LPAR1: variants seen among roughly 807,000 people sequenced by gnomAD.
The protein encoded by LPAR1 is LPA receptor 1.
Under a neutral mutation model 23.8 loss-of-function variants are expected in LPAR1, and 5 were observed. The observed-to-expected ratio is 0.21, with a 90% CI of 0.11 to 0.44. The LOEUF (loss-of-function observed/expected upper bound fraction) is 0.44, where lower values mean the gene tolerates loss of function less well. LPAR1 is among the 20% of genes least tolerant of loss of function. The pLI, the probability that LPAR1 is intolerant of heterozygous loss-of-function variation, is 0.99. For missense variants in LPAR1, 311 were observed against 482.8 expected, an observed-to-expected ratio of 0.64 and a Z score of 3.33; for synonymous variants, 160 against 164.7, an observed-to-expected ratio of 0.97 and a Z score of 0.22.
intron 2 of LPAR1, among the ~76,000 whole-genome samples, chr9:110,995,227 A>C (rs918342289): frequency 6.6e-6 from 1 of 152,134 alleles, no homozygotes; most frequent in Non-Finnish European, 1.5e-5. Context: ...AAATATATGA[A>C]AGTTTTGTTT....
chr9:110,957,110 G>T lies in LPAR1; in HGVS notation c.46-14942C>A, dbSNP rs569525083. 6.6e-5 allele frequency among the ~76,000 whole-genome samples: 10 copies of T among 151,920 alleles called. No individual in the cohort carries two copies. The East Asian group carries it at 1.9e-3, about 29-fold the overall frequency. ...ACGTTGGGCTCAGTGGCTCATGCCC[G>T]TAATCCCAGAATTTTGGGAGGTCAA... On this transcript the variant is annotated intron_variant, in intron 4 of 5. Coordinates refer to ENST00000683809, the MANE Select transcript of LPAR1 (RefSeq NM_001351411.2).
chr9:110,888,953 A>G (rs1478076233), intron 5 of LPAR1, among the ~76,000 whole-genome samples: 1 of 152,226 alleles, frequency 6.6e-6, no homozygotes, highest in East Asian at 1.9e-4. Flanking sequence ...AGTAACATCG[A>G]GAGAGCAGGA....
At chr9:110,964,657 G>A (rs988440539) in intron 4 of LPAR1, among the ~76,000 whole-genome samples, 3 of 79,934 alleles carry the variant, frequency 3.8e-5, no homozygotes, top group African/African-American at 1.5e-4. Context: ...CCAAAAAGAC[G>A]AATCTTTCAG....
At chr9:111,036,402 G>A (rs2097895911) in intron 1 of LPAR1, among the ~76,000 whole-genome samples, 1 of 150,000 alleles carries the variant, frequency 6.7e-6, no homozygotes, top group Admixed American at 6.6e-5. Flanking sequence ...AAGAGGAAAT[G>A]AGCTCCCAGC....
At chr9:110,965,668 T>C (rs1277942417) in intron 4 of LPAR1, among the ~76,000 whole-genome samples, 1 of 152,200 alleles carries the variant, frequency 6.6e-6, no homozygotes, top group African/African-American at 2.4e-5. Context: ...CTTTACACTG[T>C]TGGTGGGAAT....
chr9:110,995,914 A>G (rs1269552610), intron 2 of LPAR1, among the ~76,000 whole-genome samples: 1 of 152,232 alleles, frequency 6.6e-6, no homozygotes. Flanking sequence ...TTTTAAAAAT[A>G]ATGGCTGAAG....
intron 4 of LPAR1, among the ~76,000 whole-genome samples, chr9:110,948,777 T>C (rs190065208): frequency 5.2e-4 from 79 of 152,232 alleles, no homozygotes; most frequent in African/African-American, 1.6e-3. Flanking sequence ...TCAGAGATCA[T>C]GAGGACAGGG....
At chr9:110,985,231 T>G (rs1389991298) in intron 2 of LPAR1, among the ~76,000 whole-genome samples, 1 of 152,120 alleles carries the variant, frequency 6.6e-6, no homozygotes, top group Non-Finnish European at 1.5e-5. Context: ...GGCTACAGGC[T>G]GCTTTCCTCT....
intron 5 of LPAR1, among the ~76,000 whole-genome samples, chr9:110,899,423 T>C (rs909193906): frequency 6.6e-6 from 1 of 152,176 alleles, no homozygotes; most frequent in Non-Finnish European, 1.5e-5. Context: ...AGTCAGTGTC[T>C]TTGGGAGAAT....
At chr9:110,974,158 C>A (rs1468827232) in intron 2 of LPAR1, among the ~76,000 whole-genome samples, 5 of 149,652 alleles carry the variant, frequency 3.3e-5, no homozygotes, top group African/African-American at 4.9e-5. Context: ...GACTCCGTCT[C>A]AAAAAAAAAA....
At chr9:110,961,835 G>A (rs141415347) in intron 4 of LPAR1, among the ~76,000 whole-genome samples, 3 of 151,884 alleles carry the variant, frequency 2.0e-5, no homozygotes, top group Non-Finnish European at 2.9e-5. Context: ...GAACAGCATG[G>A]GAAAAACCCA....
rs527918727 is a variant in LPAR1, at chr9:111,011,659, A to T, written c.-182+24463T>A. 2.0e-5 allele frequency among the ~76,000 whole-genome samples: 3 copies of T among 152,268 alleles called. No individual in the cohort carries two copies. In the South Asian group the frequency reaches 6.2e-4, roughly 32 times the overall value. On this transcript the variant is annotated intron_variant, in intron 2 of 5. Transcript: ENST00000683809. ...TTCCACTTTTCACTGAGAACACGACAGCTGATTTATTCTATCCTTCAAGGA... is the reference window on the plus strand; with the variant it reads ...TTCCACTTTTCACTGAGAACACGACTGCTGATTTATTCTATCCTTCAAGGA...
chr9:111,013,556 G>A (rs140917150), intron 2 of LPAR1, among the ~76,000 whole-genome samples: 47 of 152,214 alleles, frequency 3.1e-4, no homozygotes, highest in Middle Eastern at 3.4e-3. Flanking sequence ...TGAAACATGC[G>A]TTAATGGATT....
chr9:110,977,836 GA>G (rs1430259516), intron 2 of LPAR1, among the ~76,000 whole-genome samples: 2 of 124,398 alleles, frequency 1.6e-5, no homozygotes, highest in Non-Finnish European at 3.4e-5. Flanking sequence ...GGGAGGGAGG[GA>G]AGGAAGGAGG....
At chr9:110,976,662 G>T (rs2096561758) in intron 2 of LPAR1, among the ~76,000 whole-genome samples, 1 of 152,004 alleles carries the variant, frequency 6.6e-6, no homozygotes, top group East Asian at 1.9e-4. Flanking sequence ...CTGACATCAG[G>T]CTCTCCAACT....
intron 2 of LPAR1, among the ~76,000 whole-genome samples, chr9:111,018,390 C>T (rs2097497851): frequency 6.6e-6 from 1 of 152,092 alleles, no homozygotes; most frequent in African/African-American, 2.4e-5. Context: ...ATTATATTAC[C>T]AGGAATCTAC....
At chr9:110,972,620 G>A (rs1214189910) in intron 3 of LPAR1, among the ~76,000 whole-genome samples, 2 of 152,138 alleles carry the variant, frequency 1.3e-5, no homozygotes, top group Non-Finnish European at 2.9e-5. Flanking sequence ...CTTATCTGAG[G>A]AGTGGATTCT....
At chr9:110,946,718 C>A (rs2095395805) in intron 4 of LPAR1, among the ~76,000 whole-genome samples, 1 of 151,940 alleles carries the variant, frequency 6.6e-6, no homozygotes, top group South Asian at 2.1e-4. Context: ...ACCCTGGCAG[C>A]AAGCATTAAA....
In LPAR1 at chr9:110,972,093, G is replaced by A; in HGVS notation, c.25C>T (p.Pro9Ser). Reference sequence around the variant, plus strand: ...CTTACCTGGGGCTGTGAAATTACAGGGATGGAAGTAGAGATGGCAGCCATG... The same window carrying A: ...CTTACCTGGGGCTGTGAAATTACAGAGATGGAAGTAGAGATGGCAGCCATG... MAAISTSIPVISQPQFTAM... is the reference protein window; with the variant it reads MAAISTSISVISQPQFTAM... Residue 9 changes from proline (P) to serine (S), a missense_variant, in exon 4 of 6, where the codon CCT (proline) becomes TCT (serine). Physicochemically the swap from Pro to Ser is moderately conservative, Grantham distance 74 (BLOSUM62 -1). Coordinates refer to ENST00000683809, the MANE Select transcript of LPAR1 (RefSeq NM_001351411.2). 2 of 1,613,948 alleles carry A rather than the reference G, an allele frequency of 1.2e-6. No individual in the cohort carries two copies. Among genetic ancestry groups the A allele is most frequent in the South Asian group, 1.1e-5 (1 of 91,066 alleles).
Sources: gnomAD v4.1 joint callset for allele counts (sites outside exome capture counted in the v4.1 genomes callset) on GRCh38, gnomAD v4.1.1 for gene constraint, MANE v1.5 for transcripts, NCBI Gene and HGNC (gene_info 2026-07-23, HGNC 2026-07-21) for gene names.